The following SLC9D1 variants were observed in gnomAD, a reference collection of about 807,000 sequenced individuals.
SLC9D1 encodes solute carrier family 9 member D1, also known as putative LAG1-interacting protein.
At chr13:113,502,429 G>A in the SLC9D1 span, among the ~76,000 whole-genome samples, 2 of 152,122 alleles carry the variant, frequency 1.3e-5, no homozygotes, top group African/African-American at 2.4e-5. Context: ...TAGTCAGACT[G>A]GTCTTGAACT....
chr13:113,537,700 G>C, the SLC9D1 span, among the ~76,000 whole-genome samples: 1 of 152,204 alleles, frequency 6.6e-6, no homozygotes, highest in Admixed American at 6.5e-5. Flanking sequence ...GCTCTTTACT[G>C]TTGTCAGTGA....
chr13:113,547,169 C>A, the SLC9D1 span: 1 of 728,472 alleles, frequency 1.4e-6, no homozygotes, highest in Non-Finnish European at 2.4e-6. Context: ...GTTGCTTTCA[C>A]ACGTGCACTT....
chr13:113,524,531 TC>T, the SLC9D1 span, among the ~76,000 whole-genome samples: 1 of 152,110 alleles, frequency 6.6e-6, no homozygotes, highest in East Asian at 1.9e-4. Flanking sequence ...AGACAAGGTT[TC>T]GCCATGTTGG....
the SLC9D1 span, among the ~76,000 whole-genome samples, chr13:113,506,548 T>A: frequency 3.0e-5 from 4 of 134,842 alleles, no homozygotes; most frequent in Admixed American, 2.3e-4. Context: ...AGCATGGGCG[T>A]GTGTGTGTGA....
the SLC9D1 span, among the ~76,000 whole-genome samples, chr13:113,511,309 A>G: frequency 6.6e-6 from 1 of 152,226 alleles, no homozygotes; most frequent in Non-Finnish European, 1.5e-5. Flanking sequence ...GGCATAGAAG[A>G]GAAAATACGG....
chr13:113,534,057 A>G, the SLC9D1 span: 1 of 1,603,674 alleles, frequency 6.2e-7, no homozygotes, highest in Non-Finnish European at 8.5e-7. Context: ...TTGTCGTGGA[A>G]GTTCTCCGAA....
chr13:113,516,458 C>T, the SLC9D1 span, among the ~76,000 whole-genome samples: 6 of 151,312 alleles, frequency 4.0e-5, no homozygotes, highest in South Asian at 2.1e-4. Flanking sequence ...CCCAGCTACT[C>T]GGGAGGCTGA....
chr13:113,525,247 C>T, the SLC9D1 span, among the ~76,000 whole-genome samples: 2 of 152,194 alleles, frequency 1.3e-5, no homozygotes, highest in Non-Finnish European at 2.9e-5. Flanking sequence ...ATTCTCTGGA[C>T]CTGAACAATT....
the SLC9D1 span, chr13:113,534,091 C>G: frequency 6.2e-7 from 1 of 1,612,300 alleles, no homozygotes; most frequent in East Asian, 2.2e-5. Context: ...TGGTCAGATT[C>G]TTTTTTCACT....
chr13:113,498,199 A>G, the SLC9D1 span: 1 of 574,760 alleles, frequency 1.7e-6, no homozygotes, highest in Non-Finnish European at 2.8e-6. Context: ...AATAACTAGG[A>G]CACGTGACTT....
chr13:113,518,341 T>C, the SLC9D1 span, among the ~76,000 whole-genome samples: 1 of 151,212 alleles, frequency 6.6e-6, no homozygotes, highest in Non-Finnish European at 1.5e-5. Flanking sequence ...TCAGGGACCT[T>C]GGTGAAGACC....
the SLC9D1 span, among the ~76,000 whole-genome samples, chr13:113,537,509 G>T: frequency 3.9e-5 from 6 of 152,326 alleles, no homozygotes; most frequent in African/African-American, 1.4e-4. Context: ...TTCCATTCCA[G>T]CATGTCAGAT....
chr13:113,548,148 G>C, the SLC9D1 span, among the ~76,000 whole-genome samples: 1 of 152,084 alleles, frequency 6.6e-6, no homozygotes, highest in Admixed American at 6.5e-5. Flanking sequence ...TGGTGCCTTC[G>C]GGTGTTTGGA....
the SLC9D1 span, chr13:113,539,208 C>T: frequency 3.1e-5 from 21 of 671,764 alleles, no homozygotes; most frequent in South Asian, 4.5e-5. The surrounding 1 kb of genome is among the most constrained non-coding windows in gnomAD (Gnocchi z 4.8). Context: ...ACCCAGCAGA[C>T]GACCCAGGAC....
At chr13:113,526,618 C>T in the SLC9D1 span, among the ~76,000 whole-genome samples, 2 of 152,030 alleles carry the variant, frequency 1.3e-5, no homozygotes, top group African/African-American at 2.4e-5. Context: ...ACTCTGGAGG[C>T]GAAGGCTGTA....
chr13:113,495,637 C>G, the SLC9D1 span: 65 of 1,584,672 alleles, frequency 4.1e-5, no homozygotes, highest in Non-Finnish European at 5.6e-5. Flanking sequence ...CTTCCCTGGG[C>G]GGTGCAGGCT....
the SLC9D1 span, among the ~76,000 whole-genome samples, chr13:113,515,322 T>C: frequency 1.3e-5 from 2 of 152,156 alleles, no homozygotes; most frequent in African/African-American, 4.8e-5. Context: ...GAGGGAAAGA[T>C]AGAAGATGTG....
the SLC9D1 span, among the ~76,000 whole-genome samples, chr13:113,531,581 A>G: frequency 1.0e-4 from 15 of 147,838 alleles, no homozygotes; most frequent in South Asian, 1.3e-3. Flanking sequence ...CACCCCGTAC[A>G]TGCAGATCAA....
chr13:113,524,137 G>A, the SLC9D1 span: 3 of 456,334 alleles, frequency 6.6e-6, no homozygotes, highest in East Asian at 6.9e-5. Context: ...AGTTAACTGC[G>A]CTATTTCGTG....
Sources: gnomAD v4.1 joint callset for allele counts (sites outside exome capture counted in the v4.1 genomes callset) on GRCh38, gnomAD v4.1.1 for gene constraint, Gnocchi (gnomAD v3.1) non-coding constraint, MANE v1.5 for transcripts, NCBI Gene and HGNC (gene_info 2026-07-23, HGNC 2026-07-21) for gene names.